Variants in FBRSL1 observed in about 807,000 individuals in gnomAD.
The protein encoded by FBRSL1 is fibrosin-1-like protein.
Under a neutral mutation model 89.6 loss-of-function variants are expected in FBRSL1, and 51 were observed. The observed-to-expected ratio is 0.57, with a 90% confidence interval of 0.45 to 0.72. The LOEUF is 0.72. FBRSL1 is among the 30% of genes least tolerant of loss of function. The probability of loss-of-function intolerance (pLI) is 0.00; values close to 1 mark genes in which losing one functional copy is unlikely to be tolerated. For missense variants in FBRSL1, 1,618 were observed against 1,451.8 expected (o/e 1.11, Z -1.86); for synonymous variants, 779 against 681.1 (o/e 1.14, Z -2.24).
chr12:132,551,771 G>C (rs907114000), intron 5 of FBRSL1: 1 of 356,960 alleles, frequency 2.8e-6, no homozygotes, highest in Non-Finnish European at 5.6e-6. Flanking sequence ...CTGACGGGAG[G>C]CTCGGGCACT....
chr12:132,503,919 A>G (rs2033349249), intron 1 of FBRSL1, among the ~76,000 whole-genome samples: 1 of 152,078 alleles, frequency 6.6e-6, no homozygotes, highest in Admixed American at 6.5e-5. Flanking sequence ...CCCCCACTGG[A>G]GAGCAGCTTC....
At chr12:132,573,665 G>A (rs2040191822) in intron 11 of FBRSL1, among the ~76,000 whole-genome samples, 1 of 96,970 alleles carries the variant, frequency 1.0e-5, no homozygotes, top group Admixed American at 1.2e-4. Flanking sequence ...AGTCTGGGGA[G>A]GAGGGGGCTG....
chr12:132,565,559 T>G (rs377165165), intron 5 of FBRSL1: 1 of 40,020 alleles, frequency 2.5e-5, no homozygotes, highest in African/African-American at 2.0e-4. Flanking sequence ...GTGCCCATGT[T>G]CATGTATCCG....
intron 2 of FBRSL1, among the ~76,000 whole-genome samples, chr12:132,524,878 C>G (rs972051826): frequency 5.9e-5 from 9 of 152,230 alleles, no homozygotes; most frequent in African/African-American, 2.2e-4. Flanking sequence ...GGCTCGGGGT[C>G]TGGTCCCTGC....
chr12:132,511,470 C>G (rs541163088), intron 2 of FBRSL1: 6 of 986,062 alleles, frequency 6.1e-6, no homozygotes, highest in African/African-American at 5.2e-5. Context: ...CAGCCCCACT[C>G]GAGTCTTCTG....
At chr12:132,513,720 G>A (rs12321650) in intron 2 of FBRSL1, among the ~76,000 whole-genome samples, 10,230 of 152,220 alleles carry the variant, frequency 0.067, 378 homozygotes, top group South Asian at 0.11. Flanking sequence ...GTTGTTGGGG[G>A]AGGAGAAGGG....
rs1230825155 is a variant in FBRSL1, at chr12:132,572,543, C to G, written c.1451C>G (p.Pro484Arg). ...HSSVSFFPSF[P>R]PAIPGLPTLL... ...CTCTTACAGTTCTTCCCGTCCTTCC[C>G]TCCTGCCATCCCGGGACTGCCCACC... Residue 484 changes from proline (P) to arginine (R), a missense_variant, in exon 11 of 19, where the codon CCT becomes CGT. Pro to Arg is a moderately radical substitution (Grantham distance 103). Coordinates refer to ENST00000680143, the MANE Select transcript of FBRSL1 (RefSeq NM_001367871.1). 1 of 1,551,244 alleles carries G rather than the reference C, an allele frequency of 6.4e-7. No individual in the cohort carries two copies. Among genetic ancestry groups the G allele is most frequent in the Non-Finnish European group, 8.7e-7 (1 of 1,146,784 alleles).
In FBRSL1 at chr12:132,571,219, C is replaced by T. The variant is rs2039986639; in HGVS notation, c.1365C>T (p.Pro455=). 1 of 1,454,262 alleles carries T rather than the reference C, an allele frequency of 6.9e-7. No homozygotes were observed. The highest frequency in any genetic ancestry group is 2.4e-5 in the Admixed American group (1 of 40,852). 90.1% of individuals were successfully genotyped at this position (1,454,262 alleles called of 1,614,324 possible). A position where few individuals can be genotyped will look rare whatever the true frequency, so the allele number is the denominator to read the frequency against. ...ASGHPGLACR[P]RECQFDKYAP... is the part of the protein sequence containing the mutation. ...GCCACCCCGGCTTGGCCTGCCGACC[C>T]CGGGAGTGCCAGGTGACTATCCGCC... The change falls in exon 9 of 19, where the codon CCC becomes CCT. Residue 455 remains proline, a synonymous_variant. Transcript: ENST00000680143.
intron 10 of FBRSL1, 22 bp downstream of exon 10, chr12:132,572,366 G>A (rs571274208): frequency 9.0e-6 from 14 of 1,550,296 alleles, no homozygotes; most frequent in East Asian, 4.9e-5. Context: ...CGAGGGGCCC[G>A]GCGCGTGTCG....
intron 3 of FBRSL1, among the ~76,000 whole-genome samples, chr12:132,527,544 G>C (rs971912524): frequency 4.6e-5 from 7 of 152,316 alleles, no homozygotes; most frequent in African/African-American, 1.7e-4. Flanking sequence ...TGGTGGTCTT[G>C]GGTCTGGGCA....
Position 132,511,329 on chromosome 12 carries a change from G to A in FBRSL1, c.489+2979G>A, listed in dbSNP as rs534633924. 1.3e-5 allele frequency: 13 copies of A among 985,654 alleles called. No individual in the cohort carries two copies. In the East Asian group the frequency reaches 4.5e-4, roughly 34 times the overall value. 61.1% of individuals were successfully genotyped at this position (985,654 alleles called of 1,614,324 possible). On this transcript the variant is annotated intron_variant, in intron 2 of 18. Transcript: ENST00000680143. ...TCCCCACAGTCCCCTGCAGCGTCCC[G>A]TCTGGCTGTTGACCTACATGTGGTC...
intron 3 of FBRSL1, among the ~76,000 whole-genome samples, chr12:132,526,726 C>T (rs4883567): frequency 0.096 from 14,611 of 152,204 alleles, 1,369 homozygotes; most frequent in African/African-American, 0.24. Flanking sequence ...CTGCCTTGCC[C>T]CTCAGAGGGG....
At chr12:132,572,187 C>G in intron 9 of FBRSL1, 101 bp from the exon 10 acceptor site, 2 of 1,096,390 alleles carry the variant, frequency 1.8e-6, no homozygotes, top group Non-Finnish European at 2.7e-6. Context: ...GGAAGCACAA[C>G]GCCGTCCTGT....
chr12:132,527,579 GAGGGCTGC>G (rs1336298470), intron 3 of FBRSL1, among the ~76,000 whole-genome samples: 2 of 151,798 alleles, frequency 1.3e-5, no homozygotes, highest in Non-Finnish European at 1.5e-5. Context: ...CATCCGAGTT[GAGGGCTGC>G]GGGGCTGCGG....
In FBRSL1 at chr12:132,514,919, T is replaced by A. The variant is rs570652932; in HGVS notation, c.489+6569T>A. On this transcript the variant is annotated intron_variant, in intron 2 of 18. Coordinates refer to ENST00000680143, the MANE Select transcript of FBRSL1 (RefSeq NM_001367871.1). ...TAATCTATATAAAAATTGTCACATC[T>A]TTTTTACTCTTTTTTTTGTAGAGTC... 4.6e-5 allele frequency among the ~76,000 whole-genome samples: 7 copies of A among 152,342 alleles called. No homozygotes were observed. The East Asian group carries it at 1.3e-3, about 29-fold the overall frequency.
chr12:132,503,283 G>A (rs1350587014), intron 1 of FBRSL1, among the ~76,000 whole-genome samples: 1 of 152,224 alleles, frequency 6.6e-6, no homozygotes. Flanking sequence ...TGCTAGGCGA[G>A]AGCCGCAAGC....
At chr12:132,540,685 G>A (rs578127519) in intron 4 of FBRSL1, among the ~76,000 whole-genome samples, 47 of 152,194 alleles carry the variant, frequency 3.1e-4, no homozygotes, top group African/African-American at 1.0e-3. Context: ...CGCCTGCTCT[G>A]GGCTCAACAC....
At position 132,510,864 on chromosome 12, in the gene FBRSL1, C is replaced by T. The variant is rs569867580; in HGVS notation, c.489+2514C>T. On this transcript the variant is annotated intron_variant, in intron 2 of 18. Coordinates refer to ENST00000680143, the MANE Select transcript of FBRSL1 (RefSeq NM_001367871.1). ...TTTCTGTGCCTCTGAATTGCCAATA[C>T]TGTCCTTGCATCTCTGAGTCTACGT... 4.6e-5 allele frequency: 48 copies of T among 1,037,678 alleles called. No homozygotes were observed. In the South Asian group the frequency reaches 1.9e-3, roughly 41 times the overall value. 64.3% of individuals were successfully genotyped at this position (1,037,678 alleles called of 1,614,324 possible).
At chr12:132,571,286 C>T (rs1047762821) in intron 9 of FBRSL1, 55 bp downstream of exon 9, 2 of 1,510,532 alleles carry the variant, frequency 1.3e-6, no homozygotes, top group Non-Finnish European at 1.8e-6. Flanking sequence ...CTCTCTGTCT[C>T]TCTCTCTTTT....
Sources: allele counts gnomAD v4.1 joint callset (sites outside exome capture counted in the v4.1 genomes callset), GRCh38; gene constraint gnomAD v4.1.1; transcripts MANE v1.5; gene names NCBI Gene and HGNC (gene_info 2026-07-23, HGNC 2026-07-21).